The following RUBCN variants were observed in gnomAD, a reference collection of about 807,000 sequenced individuals.
The protein encoded by RUBCN is rubicon autophagy regulator.
Under a neutral mutation model 113.2 loss-of-function variants are expected in RUBCN, and 74 were observed. The ratio of observed to expected loss-of-function variants is 0.65; its 90% CI spans 0.54 to 0.79. The LOEUF (loss-of-function observed/expected upper bound fraction) is 0.79. RUBCN is among the 30% of genes least tolerant of loss of function. The probability of loss-of-function intolerance (pLI) is 0.00; values close to 1 mark genes in which losing one functional copy is unlikely to be tolerated. For missense variants in RUBCN, 1,109 were observed against 1,251.7 expected, an observed-to-expected ratio of 0.89 and a Z score of 1.72; for synonymous variants, 480 against 490.0, an observed-to-expected ratio of 0.98 and a Z score of 0.27.
intron 1 of RUBCN, among the ~76,000 whole-genome samples, chr3:197,725,388 A>T (rs1464142317): frequency 2.0e-5 from 3 of 152,074 alleles, no homozygotes; most frequent in Non-Finnish European, 4.4e-5. Context: ...TACATAAATA[A>T]TATGCTTTAA....
rs530953628 is a variant in RUBCN at position 197,682,254 on chromosome 3, G to A, written c.2126+216C>T. ...GGGAGGAAAGCTACAGGTTGGGAAT[G>A]CCAGCAAAACAAAACCCGCCTCGTT... On this transcript the variant is annotated intron_variant, in intron 14 of 19. Transcript: ENST00000296343. 9.9e-4 allele frequency among the ~76,000 whole-genome samples: 150 copies of A among 152,264 alleles called. 1 individual carries two copies. The highest frequency in any genetic ancestry group is 3.5e-3 in the African/African-American group (145 of 41,552).
At chr3:197,716,191 G>A (rs185032963) in intron 2 of RUBCN, among the ~76,000 whole-genome samples, 1 of 152,246 alleles carries the variant, frequency 6.6e-6, no homozygotes, top group Non-Finnish European at 1.5e-5. Context: ...GCGGTGGCAC[G>A]GTCTCAGCTC....
At chr3:197,714,435 C>T (rs1298448469) in intron 2 of RUBCN, among the ~76,000 whole-genome samples, 3 of 152,156 alleles carry the variant, frequency 2.0e-5, no homozygotes, top group African/African-American at 7.2e-5. Flanking sequence ...ATCTTCCCAG[C>T]TCAGCCTCCG....
intron 1 of RUBCN, among the ~76,000 whole-genome samples, chr3:197,732,778 C>A (rs1727668816): frequency 6.6e-6 from 1 of 152,174 alleles, no homozygotes; most frequent in Non-Finnish European, 1.5e-5. Flanking sequence ...AAGTGGGAAG[C>A]TAAGCCAACA....
Position 197,691,043 on chromosome 3 carries a change from C to T in RUBCN, c.1786+2672G>A, listed in dbSNP as rs1038640336. ...TGCAACATTCTCACACATGCATCTA[C>T]AAGCACATCCACGCTTGCAAAGTAG... On this transcript the variant is annotated intron_variant, in intron 11 of 19. Coordinates refer to ENST00000296343, the MANE Select transcript of RUBCN (RefSeq NM_014687.4). 6 of 1,219,162 alleles carry T rather than the reference C, an allele frequency of 4.9e-6. No homozygotes were observed. The Admixed American group carries it at 9.2e-5, about 19-fold the overall frequency. The allele number at this position is 1,219,162 out of a possible 1,614,324, so 75.5% of individuals were successfully genotyped here. A position where few individuals can be genotyped will look rare whatever the true frequency, so the allele number is the denominator to read the frequency against.
At chr3:197,701,611 C>T (rs1580257933) in intron 6 of RUBCN, 97 bp downstream of exon 6, 1 of 1,127,010 alleles carries the variant, frequency 8.9e-7, no homozygotes, top group African/African-American at 1.5e-5. Context: ...ACTACCAACC[C>T]AAGTCTCAAT....
At chr3:197,695,110 C>G (rs1722861262) in intron 9 of RUBCN, among the ~76,000 whole-genome samples, 2 of 152,104 alleles carry the variant, frequency 1.3e-5, no homozygotes, top group African/African-American at 2.4e-5. Context: ...CTCTGGGAGG[C>G]CAAGCCCAGG....
chr3:197,684,112 T>A, intron 12 of RUBCN, 45 bp downstream of exon 12: 1 of 1,452,186 alleles, frequency 6.9e-7, no homozygotes, highest in Admixed American at 1.7e-5. Flanking sequence ...TCTCTACATA[T>A]CCTAAGGTTT....
At position 197,683,021 on chromosome 3, in the gene RUBCN, C is replaced by T. The variant is rs556050146; in HGVS notation, c.1980+286G>A. ...ACAACTGCAGAGCAAAGAATCCAAG[C>T]GATTTACTTTTGCGTAGTGTCTCCG... On this transcript the variant is annotated intron_variant, in intron 13 of 19. Transcript: ENST00000296343. This position sits in a 1 kb window ranked among gnomAD's most constrained non-coding sequence, Gnocchi z 4.6. 3.3e-5 allele frequency among the ~76,000 whole-genome samples: 5 copies of T among 152,306 alleles called. No individual in the cohort carries two copies. The East Asian group carries it at 9.6e-4, about 29-fold the overall frequency.
intron 5 of RUBCN, among the ~76,000 whole-genome samples, 189 bp from the exon 6 acceptor site, chr3:197,702,053 A>G (rs1723738888): frequency 6.6e-6 from 1 of 152,226 alleles, no homozygotes; most frequent in Non-Finnish European, 1.5e-5. Flanking sequence ...GTGAAACCAC[A>G]GCATCTGCAC....
chr3:197,700,876 C>G lies in RUBCN; in HGVS notation c.998G>C (p.Arg333Pro), dbSNP rs199553812. 1 of 1,614,200 alleles carries G rather than the reference C, an allele frequency of 6.2e-7. No individual in the cohort carries two copies. Among genetic ancestry groups the G allele is most frequent in the Non-Finnish European group, 8.5e-7 (1 of 1,180,040 alleles). ...ACTCTGACAGCTGGCAGTCCGGCCT[C>G]GGGGGTCCAAGTTGCCAATGGCCAG... ...EYLAIGNLDPRGRTASCQSHS... is the reference protein window; with the variant it reads ...EYLAIGNLDPPGRTASCQSHS... Residue 333 changes from arginine (R) to proline (P), a missense_variant, in exon 7 of 20, where the codon CGA becomes CCA. Physicochemically the swap from Arg to Pro is moderately radical, Grantham distance 103. Transcript: ENST00000296343.
chr3:197,703,340 G>A (rs1200681380), intron 5 of RUBCN, among the ~76,000 whole-genome samples: 1 of 135,164 alleles, frequency 7.4e-6, no homozygotes, highest in Non-Finnish European at 1.5e-5. Flanking sequence ...AGAGGTTGCA[G>A]TGAGCTGAGA....
Position 197,704,951 on chromosome 3 carries a change from A to C in RUBCN, c.303+141T>G. ...TTAAGCAAATAAAGTCAGTCCCTACAGGGATAATTAATTTCCTTTCCTCAG... is the reference window on the plus strand; with the variant it reads ...TTAAGCAAATAAAGTCAGTCCCTACCGGGATAATTAATTTCCTTTCCTCAG... On this transcript the variant is annotated intron_variant, in intron 3 of 19. Transcript: ENST00000296343. The C allele has an allele frequency of 3.8e-6, 3 of 780,822 alleles. No individual in the cohort carries two copies. In the South Asian group the frequency reaches 4.4e-5, roughly 11 times the overall value. 48.4% of individuals were successfully genotyped at this position (780,822 alleles called of 1,614,324 possible).
intron 1 of RUBCN, among the ~76,000 whole-genome samples, chr3:197,731,132 G>A (rs1727410797): frequency 6.6e-6 from 1 of 151,740 alleles, no homozygotes; most frequent in Admixed American, 6.6e-5. Flanking sequence ...CTAGGCAGAG[G>A]ACCCTGCGGC....
At chr3:197,708,637 A>C (rs1394866573) in intron 2 of RUBCN, among the ~76,000 whole-genome samples, 3 of 152,108 alleles carry the variant, frequency 2.0e-5, no homozygotes, top group Non-Finnish European at 4.4e-5. Context: ...TTGCCAAAGA[A>C]GCACTCAAGT....
In RUBCN at chr3:197,669,601, G is replaced by C. The variant is rs559131397; in HGVS notation, c.*5417C>G. ...ATGTTAACGTTGATTACTTGGTTAA[G>C]GTCGTGTTAGCTCTCTCTACTCTAA... is the stretch of plus-strand genomic sequence containing the variant. On this transcript the variant is annotated 3_prime_UTR_variant, in exon 20 of 20. Transcript: ENST00000296343. Among the ~76,000 whole-genome samples, 1 of 152,196 alleles carries C rather than the reference G, an allele frequency of 6.6e-6. No individual in the cohort carries two copies. Among genetic ancestry groups the C allele is most frequent in the South Asian group, 2.1e-4 (1 of 4,814 alleles).
rs984533154 is a variant in RUBCN, at chr3:197,681,411, T to C, written c.2192-44A>G. The C allele has an allele frequency of 4.8e-6, 7 of 1,457,654 alleles. No individual in the cohort carries two copies. The highest frequency in any genetic ancestry group is 6.7e-6 in the Non-Finnish European group (7 of 1,038,610). The allele number at this position is 1,457,654 out of a possible 1,614,324, so 90.3% of individuals were successfully genotyped here. A position where few individuals can be genotyped will look rare whatever the true frequency, so the allele number is the denominator to read the frequency against. ...CAGAAAGCCAGATGTAACTTTCCCATCTACAAGCTGGGAAGGCAGCTCTGC... is the reference window on the plus strand; with the variant it reads ...CAGAAAGCCAGATGTAACTTTCCCACCTACAAGCTGGGAAGGCAGCTCTGC... On this transcript the variant is annotated intron_variant, in intron 15 of 19. Coordinates refer to ENST00000296343, the MANE Select transcript of RUBCN (RefSeq NM_014687.4). This position sits in a 1 kb window ranked among gnomAD's most constrained non-coding sequence, Gnocchi z 5.5.
At chr3:197,705,508 T>G (rs1043656719) in intron 2 of RUBCN, among the ~76,000 whole-genome samples, 3 of 138,292 alleles carry the variant, frequency 2.2e-5, no homozygotes, top group Non-Finnish European at 4.5e-5. Flanking sequence ...AAAGCTGCAG[T>G]GAGCCATGAT....
chr3:197,709,394 T>C (rs1429975954), intron 2 of RUBCN, among the ~76,000 whole-genome samples: 6 of 152,154 alleles, frequency 3.9e-5, no homozygotes, highest in South Asian at 2.1e-4. Context: ...GTTTTTTTTT[T>C]CTTTGAGACG....
Sources: allele counts gnomAD v4.1 joint callset (sites outside exome capture counted in the v4.1 genomes callset), GRCh38; gene constraint gnomAD v4.1.1; non-coding constraint Gnocchi (gnomAD v3.1); transcripts MANE v1.5; gene names NCBI Gene and HGNC (gene_info 2026-07-23, HGNC 2026-07-21).